BACH2: variants seen among roughly 807,000 people sequenced by gnomAD.
BACH2 encodes the protein transcription regulator protein BACH2.
In BACH2, 5 loss-of-function variants were observed where a neutral mutation model predicts 61.8. The ratio of observed to expected loss-of-function variants is 0.08; its 90% confidence interval spans 0.04 to 0.17. The LOEUF (loss-of-function observed/expected upper bound fraction) is 0.17, where lower values mean the gene tolerates loss of function less well. Among genes scored for constraint, BACH2 ranks in the 10% least tolerant of loss-of-function variants. The pLI, the probability that BACH2 is intolerant of heterozygous loss-of-function variation, is 1.00. For synonymous variants in BACH2, 446 were observed against 440.1 expected (o/e 1.01, Z -0.17); for missense variants, 824 against 1,091.1 (o/e 0.76, Z 3.45).
chr6:90,143,382 C>T (rs777722548), intron 4 of BACH2, among the ~76,000 whole-genome samples: 10 of 152,116 alleles, frequency 6.6e-5, no homozygotes, highest in East Asian at 3.9e-4. Context: ...TGCCCATTAT[C>T]GGTTGTGCAA....
intron 6 of BACH2, among the ~76,000 whole-genome samples, chr6:89,999,489 T>C (rs1201046583): frequency 1.3e-5 from 2 of 151,102 alleles, no homozygotes; most frequent in Non-Finnish European, 2.9e-5. Flanking sequence ...GTAATCTGGA[T>C]GGGAAGTAGA....
At chr6:89,978,179 G>A (rs1775757808) in intron 6 of BACH2, among the ~76,000 whole-genome samples, 1 of 152,214 alleles carries the variant, frequency 6.6e-6, no homozygotes, top group Admixed American at 6.5e-5. Flanking sequence ...ATCATATAGA[G>A]TGGAGACAAA....
At chr6:90,166,649 C>G (rs183945525) in intron 4 of BACH2, among the ~76,000 whole-genome samples, 1 of 152,204 alleles carries the variant, frequency 6.6e-6, no homozygotes, top group Admixed American at 6.5e-5. Flanking sequence ...AGATTTGGAA[C>G]CAACCCAAAT....
At chr6:90,173,063 G>A (rs1226890376) in intron 4 of BACH2, among the ~76,000 whole-genome samples, 1 of 151,232 alleles carries the variant, frequency 6.6e-6, no homozygotes, top group African/African-American at 2.4e-5. Context: ...GTGGAAAAAA[G>A]AGAATGGTGT....
At chr6:90,135,477 C>T (rs934079589) in intron 4 of BACH2, among the ~76,000 whole-genome samples, 2 of 152,268 alleles carry the variant, frequency 1.3e-5, no homozygotes, top group Middle Eastern at 3.4e-3. Context: ...CCTGTAATCC[C>T]GGCACTTTGG....
At chr6:90,281,494 T>C (rs1771857034) in intron 1 of BACH2, among the ~76,000 whole-genome samples, 1 of 152,132 alleles carries the variant, frequency 6.6e-6, no homozygotes, top group African/African-American at 2.4e-5. Context: ...AGTGAGCCCC[T>C]TCTCTATCAT....
chr6:90,198,466 C>T (rs1768840468), intron 4 of BACH2, among the ~76,000 whole-genome samples: 1 of 152,232 alleles, frequency 6.6e-6, no homozygotes. Context: ...ATATTACAGT[C>T]ATGTCAAAAC....
chr6:90,087,711 C>T (rs1246741546), intron 5 of BACH2, among the ~76,000 whole-genome samples: 1 of 150,456 alleles, frequency 6.6e-6, no homozygotes, highest in African/African-American at 2.4e-5. Flanking sequence ...AGGTGTGCTT[C>T]CCTTCCCATG....
intron 6 of BACH2, among the ~76,000 whole-genome samples, chr6:89,980,505 G>C (rs540472768): frequency 6.6e-6 from 1 of 152,210 alleles, no homozygotes; most frequent in Non-Finnish European, 1.5e-5. Context: ...CATCAAGTGA[G>C]GCTGCCCACA....
intron 1 of BACH2, among the ~76,000 whole-genome samples, chr6:90,286,709 T>A (rs558431034): frequency 1.3e-5 from 2 of 152,310 alleles, no homozygotes; most frequent in African/African-American, 4.8e-5. Flanking sequence ...TTCTCTAACA[T>A]GGTTTCAATT....
intron 5 of BACH2, among the ~76,000 whole-genome samples, chr6:90,065,224 T>C (rs998755879): frequency 1.4e-5 from 2 of 147,768 alleles, no homozygotes; most frequent in African/African-American, 5.0e-5. Flanking sequence ...GGCAGTTTGG[T>C]GTAAAGCAGT....
chr6:90,140,516 C>A (rs1274872390), intron 4 of BACH2, among the ~76,000 whole-genome samples: 1 of 152,202 alleles, frequency 6.6e-6, no homozygotes, highest in Non-Finnish European at 1.5e-5. Flanking sequence ...GGGATACTTT[C>A]TAATGATTTA....
At chr6:89,939,656 CTTTTTTTTTTTTTTT>C (rs71298713) in intron 7 of BACH2, among the ~76,000 whole-genome samples, 4 of 82,618 alleles carry the variant, frequency 4.8e-5, no homozygotes, top group Admixed American at 1.7e-4. Context: ...GCTTATATTT[CTTTTTTTTTTTTTTT>C]TTTTTTTTTT....
At position 90,177,396 on chromosome 6, in the gene BACH2, T is replaced by C. The variant is rs376481309; in HGVS notation, c.-162+29173A>G. Among the ~76,000 whole-genome samples, 16 of 152,328 alleles carry C rather than the reference T, an allele frequency of 1.1e-4. No homozygotes were observed. In the East Asian group the frequency reaches 1.9e-3, roughly 18 times the overall value. Reference sequence around the variant, plus strand: ...CGTACAGCAGATCCCATACTAAGCTTTTCAAATGTTATGACGTGAGTTCCC... The same window carrying C: ...CGTACAGCAGATCCCATACTAAGCTCTTCAAATGTTATGACGTGAGTTCCC... On this transcript the variant is annotated intron_variant, in intron 4 of 8. Transcript: ENST00000257749.
intron 6 of BACH2, among the ~76,000 whole-genome samples, chr6:89,958,748 G>C (rs969029066): frequency 1.3e-5 from 2 of 152,132 alleles, no homozygotes; most frequent in South Asian, 2.1e-4. Context: ...CACTTGCCAA[G>C]TGTTGAGGGC....
chr6:90,081,473 C>T (rs1255627267), intron 5 of BACH2, among the ~76,000 whole-genome samples: 1 of 152,150 alleles, frequency 6.6e-6, no homozygotes, highest in Non-Finnish European at 1.5e-5. Flanking sequence ...CCTTCAATTG[C>T]TGTAGGAAAA....
chr6:90,132,499 C>T (rs1287126894), intron 4 of BACH2, among the ~76,000 whole-genome samples: 2 of 152,176 alleles, frequency 1.3e-5, no homozygotes, highest in Non-Finnish European at 1.5e-5. Flanking sequence ...CCTGGCCCCA[C>T]CAATATTCAT....
rs773007535 is a variant in BACH2 at position 89,932,530 on chromosome 6, C to A, written c.2404G>T (p.Gly802Ter). The A allele has an allele frequency of 1.2e-6, 2 of 1,613,908 alleles. No homozygotes were observed. Among genetic ancestry groups the A allele is most frequent in the Non-Finnish European group, 1.7e-6 (2 of 1,180,014 alleles). The change falls in exon 9 of 9, where the codon GGA (glycine) becomes TGA (stop). Residue 802 changes from glycine to a stop codon, truncating the protein, a stop_gained. Transcript: ENST00000257749. LOFTEE classifies it high-confidence loss of function. ...SGRRLEGTDP[G>*]TFSERGPPLE... ...GGAGGTCCTCTCTCTGAGAAGGTTCCCGGGTCAGTGCCTTCTAGTCTCCTC... is the reference window on the plus strand; with the variant it reads ...GGAGGTCCTCTCTCTGAGAAGGTTCACGGGTCAGTGCCTTCTAGTCTCCTC...
chr6:90,010,241 ATAATTTTTCCCTTGTAC>A (rs1387927094), intron 5 of BACH2, among the ~76,000 whole-genome samples: 1 of 152,222 alleles, frequency 6.6e-6, no homozygotes, highest in African/African-American at 2.4e-5. Flanking sequence ...GGCCCTTGTA[ATAATTTTTCCCTTGTAC>A]CTCTCTGTAC....
Sources: allele counts gnomAD v4.1 joint callset (sites outside exome capture counted in the v4.1 genomes callset), GRCh38; gene constraint gnomAD v4.1.1; transcripts MANE v1.5; gene names NCBI Gene and HGNC (gene_info 2026-07-23, HGNC 2026-07-21).